Variants in CDH13 observed in about 807,000 individuals in gnomAD.
CDH13 encodes the protein cadherin 13, also known as cadherin-13.
A neutral mutation model predicts 63.8 loss-of-function variants in CDH13; 24 were observed. The observed-to-expected ratio is 0.38, with a 90% CI of 0.27 to 0.53. The LOEUF is 0.53. CDH13 is among the 20% of genes least tolerant of loss of function. CDH13 has a pLI of 0.85. For synonymous variants in CDH13, 503 were observed against 355.3 expected, an observed-to-expected ratio of 1.42 and a Z score of -4.67; for missense variants, 1,049 against 903.1, an observed-to-expected ratio of 1.16 and a Z score of -2.07.
At chr16:83,616,017 C>T (rs1909252176) in intron 8 of CDH13, among the ~76,000 whole-genome samples, 1 of 152,090 alleles carries the variant, frequency 6.6e-6, no homozygotes, top group African/African-American at 2.4e-5. Flanking sequence ...AGCAGGTATG[C>T]CGCTGAATGT....
At chr16:82,990,316 C>G (rs908993232) in intron 2 of CDH13, 1 of 152,146 alleles carries the variant, frequency 6.6e-6, no homozygotes, top group Non-Finnish European at 1.5e-5. Context: ...TTTTGTTTCT[C>G]TTGGAATGAC....
At chr16:83,009,579 C>T (rs1913906384) in intron 2 of CDH13, among the ~76,000 whole-genome samples, 1 of 152,162 alleles carries the variant, frequency 6.6e-6, no homozygotes, top group Non-Finnish European at 1.5e-5. Flanking sequence ...TAGCAGTACT[C>T]TTTACATCTG....
chr16:83,556,669 G>A (rs941346397), intron 7 of CDH13, among the ~76,000 whole-genome samples: 2 of 152,152 alleles, frequency 1.3e-5, no homozygotes, highest in African/African-American at 4.8e-5. Flanking sequence ...CAAGGGACCT[G>A]GAGAGAAACA....
At chr16:82,826,130 C>T (rs1443994879) in intron 1 of CDH13, 1 of 152,246 alleles carries the variant, frequency 6.6e-6, no homozygotes, top group East Asian at 1.9e-4. Context: ...GCTGGAATTA[C>T]AGGCTTGAGC....
chr16:83,172,978 C>T (rs915056862), intron 4 of CDH13, among the ~76,000 whole-genome samples: 5 of 152,036 alleles, frequency 3.3e-5, no homozygotes, highest in Admixed American at 6.6e-5. Flanking sequence ...CTTAGTCTAC[C>T]GTTAACGTGT....
At chr16:82,880,433 C>G (rs1018122359) in intron 2 of CDH13, among the ~76,000 whole-genome samples, 2 of 152,180 alleles carry the variant, frequency 1.3e-5, no homozygotes, top group Non-Finnish European at 2.9e-5. Flanking sequence ...GGGCCTTCAT[C>G]TAATTCATAC....
chr16:82,684,728 C>T (rs1476435738), intron 1 of CDH13, among the ~76,000 whole-genome samples: 2 of 151,910 alleles, frequency 1.3e-5, no homozygotes, highest in East Asian at 1.9e-4. Flanking sequence ...TTGGCATAAA[C>T]AGGTCAGGTA....
At chr16:82,666,597 T>A (rs1760619686) in intron 1 of CDH13, among the ~76,000 whole-genome samples, 1 of 152,188 alleles carries the variant, frequency 6.6e-6, no homozygotes, top group Non-Finnish European at 1.5e-5. Context: ...TAACAACAAC[T>A]ACTACTATTT....
At chr16:83,095,506 C>T (rs1030856857) in intron 3 of CDH13, among the ~76,000 whole-genome samples, 1 of 152,180 alleles carries the variant, frequency 6.6e-6, no homozygotes, top group Non-Finnish European at 1.5e-5. Context: ...CTCTCAAAGG[C>T]ATTAATAACT....
At chr16:82,972,367 T>TTGTTC (rs1206879269) in intron 2 of CDH13, among the ~76,000 whole-genome samples, 1 of 152,214 alleles carries the variant, frequency 6.6e-6, no homozygotes, top group Non-Finnish European at 1.5e-5. Flanking sequence ...ACATTTCCTT[T>TTGTTC]TGTTCATTCC....
rs201452763 is a variant in CDH13, at chr16:83,344,909, G to T, written c.684G>T (p.Pro228=). 1 of 1,613,780 alleles carries T rather than the reference G, an allele frequency of 6.2e-7. No homozygotes were observed. Among genetic ancestry groups the T allele is most frequent in the African/African-American group, 1.3e-5 (1 of 74,932 alleles). ...TDVNGKTLEG[P]VPLEVIVIDQ... ...TCAATGGCAAAACTCTCGAGGGGCC[G>T]GTGCCTCTGGAAGTCATTGTGATTG... is the stretch of plus-strand genomic sequence containing the variant. Residue 228 remains proline, a synonymous_variant, in exon 6 of 14, where the codon CCG becomes CCT. Transcript: ENST00000567109.
intron 7 of CDH13, among the ~76,000 whole-genome samples, chr16:83,580,611 T>A (rs748737734): frequency 6.6e-6 from 1 of 151,800 alleles, no homozygotes; most frequent in Non-Finnish European, 1.5e-5. Flanking sequence ...CCTCCCACCT[T>A]AGCCTTCCAA....
intron 2 of CDH13, among the ~76,000 whole-genome samples, chr16:83,017,247 T>C (rs1914897068): frequency 6.6e-6 from 1 of 152,182 alleles, no homozygotes; most frequent in Non-Finnish European, 1.5e-5. Flanking sequence ...CACAGGGTCT[T>C]CTGGCATCTG....
At chr16:82,658,996 A>G (rs1911622295) in intron 1 of CDH13, among the ~76,000 whole-genome samples, 1 of 152,110 alleles carries the variant, frequency 6.6e-6, no homozygotes, top group Non-Finnish European at 1.5e-5. Flanking sequence ...TGCTGACTCT[A>G]ATCCCCTCCT....
chr16:83,792,401 C>T (rs1480240061), intron 13 of CDH13, among the ~76,000 whole-genome samples: 2 of 152,228 alleles, frequency 1.3e-5, no homozygotes, highest in Non-Finnish European at 2.9e-5. Flanking sequence ...GAATTTGAGA[C>T]TCTAATTTGA....
chr16:82,869,809 T>C (rs957444474), intron 2 of CDH13, among the ~76,000 whole-genome samples: 8 of 152,166 alleles, frequency 5.3e-5, no homozygotes, highest in Non-Finnish European at 2.9e-5. Context: ...CCCTATCTCT[T>C]GCCATATACA....
rs573370202 is a variant in CDH13 at position 83,114,656 on chromosome 16, A to C, written c.367-10729A>C. On this transcript the variant is annotated intron_variant, in intron 3 of 13. Coordinates refer to ENST00000567109, the MANE Select transcript of CDH13 (RefSeq NM_001257.5). ...ATGTGGCCTCTAGAATATTGGGAAA[A>C]TAGATACATGGAAATTTAGGGAGCT... 1.2e-4 allele frequency among the ~76,000 whole-genome samples: 18 copies of C among 152,322 alleles called. No homozygotes were observed. In the South Asian group the frequency reaches 3.7e-3, roughly 32 times the overall value.
intron 4 of CDH13, among the ~76,000 whole-genome samples, chr16:83,211,844 G>C (rs1480625036): frequency 6.6e-6 from 1 of 151,906 alleles, no homozygotes; most frequent in East Asian, 1.9e-4. Context: ...CTTCCAGAGT[G>C]TTGACACCAG....
chr16:83,696,037 G>C (rs1217686198), intron 10 of CDH13, among the ~76,000 whole-genome samples: 1 of 151,896 alleles, frequency 6.6e-6, no homozygotes, highest in East Asian at 1.9e-4. Context: ...TCACAGGCAT[G>C]CACCACCATG....
Sources: allele counts gnomAD v4.1 joint callset (sites outside exome capture counted in the v4.1 genomes callset), GRCh38; gene constraint gnomAD v4.1.1; transcripts MANE v1.5; gene names NCBI Gene and HGNC (gene_info 2026-07-23, HGNC 2026-07-21).